The following CHRM3 variants were observed in gnomAD, a reference collection of about 807,000 sequenced individuals.
CHRM3 encodes the protein cholinergic receptor muscarinic 3.
A neutral mutation model predicts 41.8 loss-of-function variants in CHRM3; 11 were observed. The ratio of observed to expected loss-of-function variants is 0.26; its 90% confidence interval spans 0.17 to 0.44. The LOEUF (loss-of-function observed/expected upper bound fraction) is 0.44, where lower values mean the gene tolerates loss of function less well. Among genes scored for constraint, CHRM3 ranks in the 20% least tolerant of loss-of-function variants. The pLI, the probability that CHRM3 is intolerant of heterozygous loss-of-function variation, is 1.00. For missense variants in CHRM3, 571 were observed against 745.4 expected, an observed-to-expected ratio of 0.77 and a Z score of 2.72; for synonymous variants, 297 against 301.4, an observed-to-expected ratio of 0.99 and a Z score of 0.15.
chr1:239,407,405 A>AATATAT (rs143680510), intron 1 of CHRM3, among the ~76,000 whole-genome samples: 9 of 136,962 alleles, frequency 6.6e-5, no homozygotes, highest in Admixed American at 2.2e-4. Flanking sequence ...AATGACTATA[A>AATATAT]ATATATATAT....
At chr1:239,402,207 A>G (rs1660037701) in intron 1 of CHRM3, among the ~76,000 whole-genome samples, 1 of 152,084 alleles carries the variant, frequency 6.6e-6, no homozygotes. Flanking sequence ...CTTTTCCTAT[A>G]TGCATTGATT....
At chr1:239,696,519 G>A (rs1392194412) in intron 5 of CHRM3, among the ~76,000 whole-genome samples, 1 of 151,988 alleles carries the variant, frequency 6.6e-6, no homozygotes, top group Non-Finnish European at 1.5e-5. Flanking sequence ...TTTAAAATGA[G>A]ACCTATGAAA....
At chr1:239,703,102 AAG>A (rs1163335348) in intron 5 of CHRM3, 1 of 152,198 alleles carries the variant, frequency 6.6e-6, no homozygotes, top group Non-Finnish European at 1.5e-5. Context: ...ATGTTCTAAA[AAG>A]AGAGGAACAT....
At chr1:239,826,678 A>C (rs1672489590) in intron 5 of CHRM3, among the ~76,000 whole-genome samples, 1 of 152,198 alleles carries the variant, frequency 6.6e-6, no homozygotes, top group Non-Finnish European at 1.5e-5. Context: ...TTTTTGATAA[A>C]GGGTAGAAGC....
chr1:239,770,508 C>T (rs1229705807), intron 5 of CHRM3, among the ~76,000 whole-genome samples: 4 of 152,050 alleles, frequency 2.6e-5, no homozygotes, highest in African/African-American at 9.7e-5. Context: ...AAGCTAAGAG[C>T]CTGGATAAAA....
Position 239,910,298 on chromosome 1 carries a change from C to T in CHRM3, c.*1074C>T, listed in dbSNP as rs1331518136. 6.2e-6 allele frequency: 1 copy of T among 161,218 alleles called. No homozygotes were observed. Among genetic ancestry groups the T allele is most frequent in the African/African-American group, 2.5e-5 (1 of 39,462 alleles). The allele number at this position is 161,218 out of a possible 1,614,324, so 10.0% of individuals were successfully genotyped here. ...AATAGTGTCACGTTTGAATGTCATA[C>T]ACAGCAATATATATATATGTGTATA... On this transcript the variant is annotated 3_prime_UTR_variant, in exon 7 of 7. Coordinates refer to ENST00000676153, the MANE Select transcript of CHRM3 (RefSeq NM_001375978.1).
At chr1:239,822,509 T>G (rs1234802187) in intron 5 of CHRM3, among the ~76,000 whole-genome samples, 5 of 152,206 alleles carry the variant, frequency 3.3e-5, no homozygotes, top group Non-Finnish European at 5.9e-5. Flanking sequence ...TAAAGAATCC[T>G]TATTCTACAT....
intron 1 of CHRM3, among the ~76,000 whole-genome samples, chr1:239,448,446 C>A (rs1043502628): frequency 6.6e-6 from 1 of 152,026 alleles, no homozygotes; most frequent in South Asian, 2.1e-4. Context: ...AGATTCCATT[C>A]AATAATTTTT....
intron 6 of CHRM3, among the ~76,000 whole-genome samples, chr1:239,843,261 C>G (rs1305525420): frequency 2.0e-5 from 3 of 152,132 alleles, no homozygotes; most frequent in Non-Finnish European, 4.4e-5. Context: ...TCTTCAAATC[C>G]TAGCACAAGT....
At chr1:239,646,227 A>G (rs1365504170) in intron 4 of CHRM3, among the ~76,000 whole-genome samples, 1 of 152,258 alleles carries the variant, frequency 6.6e-6, no homozygotes, top group Non-Finnish European at 1.5e-5. Flanking sequence ...TCAGCAGAAT[A>G]GCTATTCAAT....
In CHRM3 at chr1:239,902,984, G is replaced by A. The variant is rs182320874; in HGVS notation, c.-19-4449G>A. Among the ~76,000 whole-genome samples the A allele has an allele frequency of 6.6e-3, 1,000 of 152,286 alleles. 9 individuals carry two copies. The highest frequency in any genetic ancestry group is 0.014 in the Middle Eastern group (4 of 294). On this transcript the variant is annotated intron_variant, in intron 6 of 6. Coordinates refer to ENST00000676153, the MANE Select transcript of CHRM3 (RefSeq NM_001375978.1). Reference sequence around the variant, plus strand: ...TTCAGAAACGTATTAGATATTGAATGAATGTCAAAGTGTAAGAAGAATGAT... The same window carrying A: ...TTCAGAAACGTATTAGATATTGAATAAATGTCAAAGTGTAAGAAGAATGAT...
intron 3 of CHRM3, among the ~76,000 whole-genome samples, chr1:239,615,821 G>A (rs1421421744): frequency 2.6e-5 from 4 of 152,032 alleles, no homozygotes; most frequent in African/African-American, 9.7e-5. Context: ...TGAATGCGGC[G>A]GGTGTTTCTT....
At chr1:239,874,319 A>C (rs1019564189) in intron 6 of CHRM3, among the ~76,000 whole-genome samples, 1 of 97,966 alleles carries the variant, frequency 1.0e-5, no homozygotes. Flanking sequence ...ATATATATAT[A>C]TATATATACA....
intron 1 of CHRM3, among the ~76,000 whole-genome samples, chr1:239,405,394 C>G (rs1008417531): frequency 5.9e-5 from 9 of 152,154 alleles, no homozygotes; most frequent in African/African-American, 2.2e-4. Context: ...CAGGACAAGA[C>G]GCTGCCTTTG....
Position 239,702,185 on chromosome 1 carries a change from A to G in CHRM3, c.-147+23897A>G, listed in dbSNP as rs188932642. ...TTTGGTTGACTTATTTACCTTTTAA[A>G]GGAAGGTAGTACTTAAATTCGTCAC... On this transcript the variant is annotated intron_variant, in intron 5 of 6. Coordinates refer to ENST00000676153, the MANE Select transcript of CHRM3 (RefSeq NM_001375978.1). Among the ~76,000 whole-genome samples, 5 of 152,268 alleles carry G rather than the reference A, an allele frequency of 3.3e-5. No homozygotes were observed. The East Asian group carries it at 7.7e-4, about 24-fold the overall frequency.
Position 239,420,342 on chromosome 1 carries a change from G to A in CHRM3, c.-521+33115G>A, listed in dbSNP as rs370812849. On this transcript the variant is annotated intron_variant, in intron 1 of 6. Coordinates refer to ENST00000676153, the MANE Select transcript of CHRM3 (RefSeq NM_001375978.1). The stretch of plus-strand genomic sequence containing the variant: ...CACAGAGTTGTAGGCACCAGAGAGC[G>A]TACGCTGAATGAATAGACTTATCGC... 1.1e-4 allele frequency among the ~76,000 whole-genome samples: 16 copies of A among 152,264 alleles called. No homozygotes were observed. In the East Asian group the frequency reaches 2.1e-3, roughly 20 times the overall value.
intron 4 of CHRM3, among the ~76,000 whole-genome samples, chr1:239,668,089 C>CT (rs1221135009): frequency 0.047 from 3,538 of 75,660 alleles, 655 homozygotes; most frequent in Non-Finnish European, 0.067. Context: ...TTTCCCCTTT[C>CT]TTTTTTTTTT....
At chr1:239,797,337 C>T (rs1291206130) in intron 5 of CHRM3, among the ~76,000 whole-genome samples, 1 of 151,522 alleles carries the variant, frequency 6.6e-6, no homozygotes, top group African/African-American at 2.4e-5. Context: ...GCACATGTAC[C>T]CCTGACTCTA....
intron 3 of CHRM3, among the ~76,000 whole-genome samples, chr1:239,581,526 C>T (rs1199098621): frequency 6.6e-6 from 1 of 152,014 alleles, no homozygotes; most frequent in African/African-American, 2.4e-5. Context: ...TTATGAAGGA[C>T]CCACAAAGCC....
Sources: gnomAD v4.1 joint callset for allele counts (sites outside exome capture counted in the v4.1 genomes callset) on GRCh38, gnomAD v4.1.1 for gene constraint, MANE v1.5 for transcripts, NCBI Gene and HGNC (gene_info 2026-07-23, HGNC 2026-07-21) for gene names.